LTBP2: variants seen among roughly 807,000 people sequenced by gnomAD.
LTBP2 encodes latent-transforming growth factor beta-binding protein 2.
Under a neutral mutation model 210.6 loss-of-function variants are expected in LTBP2, and 103 were observed. The observed-to-expected ratio is 0.49, with a 90% CI of 0.42 to 0.58. The LOEUF is 0.58. Ranked by LOEUF, LTBP2 falls within the 20% of genes least tolerant of loss-of-function variation. The probability of loss-of-function intolerance (pLI) is 0.00; values close to 1 mark genes in which losing one functional copy is unlikely to be tolerated. For synonymous variants in LTBP2, 1,007 were observed against 1,015.0 expected (o/e 0.99, Z 0.15); for missense variants, 2,313 against 2,494.5 (o/e 0.93, Z 1.55).
At chr14:74,539,961 G>A (rs2087471533) in intron 8 of LTBP2, among the ~76,000 whole-genome samples, 1 of 152,164 alleles carries the variant, frequency 6.6e-6, no homozygotes, top group Admixed American at 6.5e-5. Flanking sequence ...CCCTCTGCTG[G>A]CCTGAAGGGA....
intron 5 of LTBP2, 84 bp from the exon 6 acceptor site, chr14:74,552,477 G>A: frequency 1.5e-6 from 2 of 1,318,808 alleles, no homozygotes; most frequent in Non-Finnish European, 2.1e-6. Flanking sequence ...AGAGAAACAG[G>A]CGGCAGAACC....
At chr14:74,572,380 G>A (rs998338557) in intron 3 of LTBP2, among the ~76,000 whole-genome samples, 4 of 151,692 alleles carry the variant, frequency 2.6e-5, no homozygotes, top group Non-Finnish European at 4.4e-5. Context: ...GGGAGGAGGA[G>A]GAGTGCCGAG....
chr14:74,591,071 G>C (rs919429576), intron 2 of LTBP2, among the ~76,000 whole-genome samples: 1 of 152,052 alleles, frequency 6.6e-6, no homozygotes, highest in African/African-American at 2.4e-5. Context: ...AAGCCCCTAC[G>C]GCACACCACG....
At chr14:74,532,807 A>G (rs528963797) in intron 9 of LTBP2, among the ~76,000 whole-genome samples, 1 of 152,144 alleles carries the variant, frequency 6.6e-6, no homozygotes, top group South Asian at 2.1e-4. Context: ...GCATGTAACA[A>G]TGATCATAAT....
chr14:74,594,576 C>G (rs2088330571), intron 2 of LTBP2, among the ~76,000 whole-genome samples: 1 of 152,222 alleles, frequency 6.6e-6, no homozygotes, highest in African/African-American at 2.4e-5. Context: ...GCAGACGGGA[C>G]AGTTTGCACC....
intron 10 of LTBP2, 64 bp from the exon 11 acceptor site, chr14:74,529,186 A>G (rs1188600369): frequency 6.5e-7 from 1 of 1,536,522 alleles, no homozygotes; most frequent in African/African-American, 1.4e-5. Context: ...CGCAGCTGGG[A>G]GGGCAGTGGA....
intron 8 of LTBP2, among the ~76,000 whole-genome samples, chr14:74,549,067 C>T (rs1055059212): frequency 1.1e-4 from 16 of 152,244 alleles, no homozygotes; most frequent in African/African-American, 7.2e-5. Context: ...CCTGACAAAG[C>T]TGATTGACCA....
chr14:74,601,197 T>C (rs1026697461), intron 2 of LTBP2, among the ~76,000 whole-genome samples: 5 of 152,166 alleles, frequency 3.3e-5, no homozygotes, highest in African/African-American at 1.2e-4. Context: ...TCTTTTCCAA[T>C]AAGGTGTGTG....
At chr14:74,601,495 C>G (rs971485231) in intron 2 of LTBP2, among the ~76,000 whole-genome samples, 1 of 152,252 alleles carries the variant, frequency 6.6e-6, no homozygotes, top group Non-Finnish European at 1.5e-5. Flanking sequence ...CAGGCATCCA[C>G]GTTCCCTGAA....
chr14:74,503,214 C>A lies in LTBP2; in HGVS notation c.4888+5G>T, dbSNP rs752081578. ...CTGCAGGGTATCCCCTTTGCTCCCC[C>A]TCACCAGAGCTCCTCGGGGGACACA... is the stretch of plus-strand genomic sequence containing the variant. On this transcript the variant is annotated splice_donor_5th_base_variant and intron_variant, in intron 33 of 35. Transcript: ENST00000261978. The A allele has an allele frequency of 2.5e-6, 4 of 1,613,742 alleles. No individual in the cohort carries two copies. The East Asian group carries it at 6.7e-5, about 27-fold the overall frequency.
At chr14:74,509,180 C>T (rs1663303007) in intron 22 of LTBP2, 58 bp downstream of exon 22, 1 of 1,612,386 alleles carries the variant, frequency 6.2e-7, no homozygotes, top group Non-Finnish European at 8.5e-7. Flanking sequence ...TGGGCTTCAC[C>T]ATGGCCCTGA....
chr14:74,521,342 G>A (rs2087199232), intron 17 of LTBP2, among the ~76,000 whole-genome samples: 1 of 152,174 alleles, frequency 6.6e-6, no homozygotes, highest in East Asian at 1.9e-4. Flanking sequence ...AATGTATGTG[G>A]AAAAAAATGT....
intron 29 of LTBP2, 50 bp from the exon 30 acceptor site, chr14:74,504,911 C>T (rs1355656611): frequency 4.3e-6 from 7 of 1,613,064 alleles, no homozygotes; most frequent in African/African-American, 1.3e-5. Context: ...CTGCCCCCTT[C>T]CTCTCTCCCC....
intron 3 of LTBP2, among the ~76,000 whole-genome samples, chr14:74,577,184 GA>G (rs1168894518): frequency 7.9e-5 from 12 of 151,968 alleles, no homozygotes; most frequent in Non-Finnish European, 1.5e-4. Flanking sequence ...GAAAAAGAAA[GA>G]AAAAAAGGCT....
intron 8 of LTBP2, among the ~76,000 whole-genome samples, chr14:74,540,841 A>C: frequency 3.3e-5 from 1 of 30,236 alleles, no homozygotes; most frequent in African/African-American, 6.6e-5. Context: ...ATATATATTT[A>C]TATATATTAT....
rs1566610865 is a variant in LTBP2, at chr14:74,501,541, C to G, written c.5220G>C (p.Leu1740=). Residue 1740 remains leucine (L), a synonymous_variant, in exon 35 of 36, where the codon CTG becomes CTC. Coordinates refer to ENST00000261978, the MANE Select transcript of LTBP2 (RefSeq NM_000428.3). The part of the protein sequence containing the change: ...EGLQAEECGI[L]NGCENGRCVR... Reference sequence around the variant, plus strand: ...CACAGCGGCCATTCTCACAGCCGTTCAGGATGCCGCACTCCTCCGCCTGAA... The same window carrying G: ...CACAGCGGCCATTCTCACAGCCGTTGAGGATGCCGCACTCCTCCGCCTGAA... 1 of 1,614,036 alleles carries G rather than the reference C, an allele frequency of 6.2e-7. No individual in the cohort carries two copies. Among genetic ancestry groups the G allele is most frequent in the Non-Finnish European group, 8.5e-7 (1 of 1,180,034 alleles).
chr14:74,573,537 A>G (rs558652316), intron 3 of LTBP2, among the ~76,000 whole-genome samples: 63 of 152,360 alleles, frequency 4.1e-4, no homozygotes, highest in African/African-American at 1.4e-3. Flanking sequence ...TTCCTCCACC[A>G]GAGGCCGCAG....
chr14:74,506,673 C>G, intron 27 of LTBP2, 25 bp downstream of exon 27: 1 of 1,612,024 alleles, frequency 6.2e-7, no homozygotes, highest in South Asian at 1.1e-5. Flanking sequence ...TGGCCCAGAC[C>G]TTGGGTAGCC....
At chr14:74,604,537 T>C (rs1376115531) in intron 1 of LTBP2, among the ~76,000 whole-genome samples, 1 of 151,770 alleles carries the variant, frequency 6.6e-6, no homozygotes, top group Non-Finnish European at 1.5e-5. Flanking sequence ...GAAATAGAGT[T>C]CTTCCATCAA....
Sources: gnomAD v4.1 joint callset for allele counts (sites outside exome capture counted in the v4.1 genomes callset) on GRCh38, gnomAD v4.1.1 for gene constraint, MANE v1.5 for transcripts, NCBI Gene and HGNC (gene_info 2026-07-23, HGNC 2026-07-21) for gene names.